AGO3: variants seen among roughly 807,000 people sequenced by gnomAD.
The protein encoded by AGO3 is protein argonaute-3.
In AGO3, 16 loss-of-function variants were observed where a neutral mutation model predicts 105.5. The ratio of observed to expected loss-of-function variants is 0.15; its 90% CI spans 0.10 to 0.23. The LOEUF is 0.23. Among genes scored for constraint, AGO3 ranks in the 10% least tolerant of loss-of-function variants. The pLI, the probability that AGO3 is intolerant of heterozygous loss-of-function variation, is 1.00. For synonymous variants in AGO3, 340 were observed against 367.3 expected (o/e 0.93, Z 0.85); for missense variants, 534 against 1,088.0 (o/e 0.49, Z 7.16).
intron 8 of AGO3, 22 bp from the exon 9 acceptor site, chr1:36,009,453 C>A: frequency 1.3e-6 from 2 of 1,597,738 alleles, no homozygotes; most frequent in Admixed American, 1.8e-5. Context: ...ACATGTAGTA[C>A]AAAACTTTTT....
intron 5 of AGO3, among the ~76,000 whole-genome samples, chr1:35,990,575 A>G (rs534826483): frequency 1.1e-4 from 16 of 152,296 alleles, no homozygotes; most frequent in African/African-American, 1.9e-4. Context: ...AACATTCACT[A>G]TCCCATTTTG....
intron 17 of AGO3, among the ~76,000 whole-genome samples, chr1:36,052,151 A>G (rs1452029123): frequency 1.3e-5 from 2 of 152,226 alleles, no homozygotes; most frequent in African/African-American, 4.8e-5. Flanking sequence ...TAGGCAAGAT[A>G]TGGAATCAAC....
chr1:36,021,259 A>C (rs1641207160), intron 11 of AGO3, among the ~76,000 whole-genome samples: 2 of 152,138 alleles, frequency 1.3e-5, no homozygotes, highest in African/African-American at 4.8e-5. Flanking sequence ...CAGAAACCGC[A>C]ATTACTTTTG....
Position 36,068,751 on chromosome 1 carries a change from A to G in AGO3, c.*13006A>G, listed in dbSNP as rs1409446284. The G allele has an allele frequency of 3.3e-5, 5 of 152,192 alleles. No homozygotes were observed. Among genetic ancestry groups the G allele is most frequent in the African/African-American group, 1.2e-4 (5 of 41,450 alleles). 9.4% of individuals were successfully genotyped at this position (152,192 alleles called of 1,614,324 possible). A position where few individuals can be genotyped will look rare whatever the true frequency, so the allele number is the denominator to read the frequency against. Reference sequence around the variant, plus strand: ...TAATTTATGTATTTATTCTGACTTTATTATACAGCTTATGTCTCACATCTG... The same window carrying G: ...TAATTTATGTATTTATTCTGACTTTGTTATACAGCTTATGTCTCACATCTG... On this transcript the variant is annotated 3_prime_UTR_variant, in exon 19 of 19. Coordinates refer to ENST00000373191, the MANE Select transcript of AGO3 (RefSeq NM_024852.4).
intron 5 of AGO3, chr1:35,984,599 A>G (rs1647127576): frequency 6.6e-6 from 1 of 152,122 alleles, no homozygotes; most frequent in South Asian, 2.1e-4. Flanking sequence ...TTCCCCTATA[A>G]TAGCATGTAT....
chr1:35,992,179 A>G (rs1647729987), intron 5 of AGO3: 1 of 152,190 alleles, frequency 6.6e-6, no homozygotes, highest in Admixed American at 6.6e-5. Context: ...GAACTTCTGT[A>G]TTCAGCATTT....
chr1:35,946,461 T>G (rs2148750451), intron 2 of AGO3, among the ~76,000 whole-genome samples: 1 of 152,198 alleles, frequency 6.6e-6, no homozygotes, highest in East Asian at 1.9e-4. Context: ...GAATTTATGA[T>G]TGGATATATA....
intron 2 of AGO3, among the ~76,000 whole-genome samples, chr1:35,956,647 T>G (rs377090634): frequency 6.6e-6 from 1 of 151,380 alleles, no homozygotes; most frequent in African/African-American, 2.4e-5. Context: ...GTTTTTTTTT[T>G]TTTTTCTTTT....
At chr1:35,960,968 G>T (rs1421878558) in intron 2 of AGO3, among the ~76,000 whole-genome samples, 4 of 148,338 alleles carry the variant, frequency 2.7e-5, no homozygotes, top group Non-Finnish European at 4.5e-5. Context: ...TTTTGAGATG[G>T]AGTCTCGCTC....
At position 35,955,317 on chromosome 1, in the gene AGO3, A is replaced by G. The variant is rs1571427130; in HGVS notation, c.191+9454A>G. On this transcript the variant is annotated intron_variant, in intron 2 of 18. Transcript: ENST00000373191. ...AACCATTGATCACACGTCCCCATTA[A>G]TTAAAATTTGTTTGACCAAAAAATA... Among the ~76,000 whole-genome samples, 10 of 152,340 alleles carry G rather than the reference A, an allele frequency of 6.6e-5. 1 individual carries two copies. The highest frequency in any genetic ancestry group is 2.0e-4 in the Admixed American group (3 of 15,302).
Position 36,061,450 on chromosome 1 carries a change from C to G in AGO3, c.*5705C>G, listed in dbSNP as rs1643026534. 6.6e-6 allele frequency: 1 copy of G among 152,060 alleles called. No homozygotes were observed. The highest frequency in any genetic ancestry group is 1.5e-5 in the Non-Finnish European group (1 of 68,018). 9.4% of individuals were successfully genotyped at this position (152,060 alleles called of 1,614,324 possible). A position where few individuals can be genotyped will look rare whatever the true frequency, so the allele number is the denominator to read the frequency against. ...ACATCATTGATTAAATCTCAAGAAT[C>G]TTTTGTTCTTAAAATATGGAAGTTA... On this transcript the variant is annotated 3_prime_UTR_variant, in exon 19 of 19. Coordinates refer to ENST00000373191, the MANE Select transcript of AGO3 (RefSeq NM_024852.4).
rs1642888297 is a variant in AGO3 at position 36,055,510 on chromosome 1, A to G, written c.2475-127A>G. 1.1e-6 allele frequency: 1 copy of G among 890,360 alleles called. No individual in the cohort carries two copies. Among genetic ancestry groups the G allele is most frequent in the Admixed American group, 2.3e-5 (1 of 44,324 alleles). 55.2% of individuals were successfully genotyped at this position (890,360 alleles called of 1,614,324 possible). ...GTGATTGAAGCTGAGTGATGGACAC[A>G]TAGATTGTTACACCAGTCTCTTATT... On this transcript the variant is annotated intron_variant, in intron 18 of 18. Transcript: ENST00000373191. The surrounding 1 kb of genome is among the most constrained non-coding windows in gnomAD (Gnocchi z 4.4).
chr1:36,059,492 T>A lies in AGO3; in HGVS notation c.*3747T>A, dbSNP rs552644643. 6.6e-6 allele frequency: 1 copy of A among 151,296 alleles called. No individual in the cohort carries two copies. The highest frequency in any genetic ancestry group is 1.9e-4 in the East Asian group (1 of 5,170). 9.4% of individuals were successfully genotyped at this position (151,296 alleles called of 1,614,324 possible). A position where few individuals can be genotyped will look rare whatever the true frequency, so the allele number is the denominator to read the frequency against. ...ACTAACTATATCATGAATGCTAGAT[T>A]TTGGTCTTCTTTTTTCTGTGATGTA... On this transcript the variant is annotated 3_prime_UTR_variant, in exon 19 of 19. Transcript: ENST00000373191.
chr1:35,941,966 G>A (rs1646265314), intron 1 of AGO3, among the ~76,000 whole-genome samples: 1 of 152,200 alleles, frequency 6.6e-6, no homozygotes, highest in South Asian at 2.1e-4. Flanking sequence ...ATAAGAAAGA[G>A]GCAGATCAAG....
intron 5 of AGO3, among the ~76,000 whole-genome samples, chr1:35,991,670 A>G (rs1446557670): frequency 1.3e-5 from 2 of 151,768 alleles, no homozygotes; most frequent in Non-Finnish European, 2.9e-5. Context: ...GCATCACTCC[A>G]TTTTTAAAAT....
chr1:36,016,449 TG>T (rs1315683530), intron 11 of AGO3, among the ~76,000 whole-genome samples: 1 of 152,196 alleles, frequency 6.6e-6, no homozygotes, highest in African/African-American at 2.4e-5. Flanking sequence ...CCCAAAGTGC[TG>T]GGATTACAGG....
In AGO3 at chr1:36,069,791, T is replaced by G. The variant is rs1643137867; in HGVS notation, c.*14046T>G. 1 of 152,276 alleles carries G rather than the reference T, an allele frequency of 6.6e-6. No homozygotes were observed. Among genetic ancestry groups the G allele is most frequent in the African/African-American group, 2.4e-5 (1 of 41,472 alleles). The allele number at this position is 152,276 out of a possible 1,614,324, so 9.4% of individuals were successfully genotyped here. On this transcript the variant is annotated 3_prime_UTR_variant, in exon 19 of 19. Coordinates refer to ENST00000373191, the MANE Select transcript of AGO3 (RefSeq NM_024852.4). ...TTAGAAATTGACTGGGTGCGGTGGC[T>G]CATGCCTGTAATCCCAGCACTTTGG...
intron 5 of AGO3, among the ~76,000 whole-genome samples, chr1:35,989,614 C>T (rs771516188): frequency 2.6e-5 from 4 of 152,116 alleles, no homozygotes; most frequent in Non-Finnish European, 4.4e-5. Flanking sequence ...TAGCTTACAC[C>T]TGTAATCCCA....
chr1:36,054,533 C>T (rs1642850135), intron 17 of AGO3, among the ~76,000 whole-genome samples: 1 of 152,122 alleles, frequency 6.6e-6, no homozygotes, highest in African/African-American at 2.4e-5. Context: ...ACTTTAACCT[C>T]CCAAAGTGCC....
Sources: allele counts gnomAD v4.1 joint callset (sites outside exome capture counted in the v4.1 genomes callset), GRCh38; gene constraint gnomAD v4.1.1; non-coding constraint Gnocchi (gnomAD v3.1); transcripts MANE v1.5; gene names NCBI Gene and HGNC (gene_info 2026-07-23, HGNC 2026-07-21).